The following HPS4 variants were observed in gnomAD, a reference collection of about 807,000 sequenced individuals.
HPS4 encodes BLOC-3 complex member HPS4.
Under a neutral mutation model 70.3 loss-of-function variants are expected in HPS4, and 44 were observed. The observed-to-expected ratio is 0.63, with a 90% CI of 0.49 to 0.80. HPS4 has a LOEUF of 0.80. HPS4 is among the 30% of genes least tolerant of loss of function. HPS4 has a pLI of 0.00. For missense variants in HPS4, 873 were observed against 884.4 expected (o/e 0.99, Z 0.16); for synonymous variants, 377 against 355.9 (o/e 1.06, Z -0.67).
rs1389922563 is a variant in HPS4 at position 26,465,151 on chromosome 22, A to C, written c.803+304T>G. 4.6e-5 allele frequency among the ~76,000 whole-genome samples: 7 copies of C among 152,340 alleles called. No individual in the cohort carries two copies. In the East Asian group the frequency reaches 1.4e-3, roughly 29 times the overall value. ...TATTTTCAAGTGTCACAATGAACTC[A>C]TGAAAGGGATACTATTTTGTCTACT... is the stretch of plus-strand genomic sequence containing the variant. On this transcript the variant is annotated intron_variant, in intron 10 of 13. Transcript: ENST00000398145.
downstream of HPS4, among the ~76,000 whole-genome samples, chr22:26,448,951 G>C (rs938804299): frequency 3.9e-5 from 6 of 152,206 alleles, no homozygotes; most frequent in African/African-American, 7.2e-5. Context: ...CAGGAGACAA[G>C]TGCTTTCCCA....
intron 4 of HPS4, chr22:26,475,686 TAGAG>T (rs56993477): frequency 0.81 from 123,450 of 151,570 alleles, 51,015 homozygotes; most frequent in South Asian, 0.89. Flanking sequence ...ATATGCATGA[TAGAG>T]AGAGTATCTG....
chr22:26,470,015 C>A (rs2089515464), intron 7 of HPS4, among the ~76,000 whole-genome samples: 1 of 152,274 alleles, frequency 6.6e-6, no homozygotes, highest in African/African-American at 2.4e-5. Context: ...CCGAGCCTGT[C>A]TGGCCCAAGG....
chr22:26,481,613 TTGTTA>T (rs1331898767), intron 2 of HPS4, 104 bp downstream of exon 2: 10 of 1,035,382 alleles, frequency 9.7e-6, no homozygotes, highest in African/African-American at 1.6e-5. Context: ...GGCATTTTTA[TTGTTA>T]TGTTAATAAA....
chr22:26,463,756 G>A (rs1024626523), intron 11 of HPS4, among the ~76,000 whole-genome samples, 161 bp downstream of exon 11: 12 of 152,254 alleles, frequency 7.9e-5, no homozygotes, highest in African/African-American at 2.4e-4. Context: ...CACAGAGGCA[G>A]GTAATACCTC....
chr22:26,483,328 G>T (rs920675667), intron 1 of HPS4, among the ~76,000 whole-genome samples: 2 of 152,206 alleles, frequency 1.3e-5, no homozygotes, highest in African/African-American at 4.8e-5. Context: ...CCTGGAGTAG[G>T]AAGAGACGTC....
chr22:26,468,695 C>A, intron 7 of HPS4, 72 bp from the exon 8 acceptor site: 1 of 1,349,664 alleles, frequency 7.4e-7, no homozygotes, highest in Non-Finnish European at 1.1e-6. Flanking sequence ...TTTAAAGATG[C>A]CTAACAGCCC....
At chr22:26,455,696 C>T (rs1387100418) in intron 13 of HPS4, among the ~76,000 whole-genome samples, 2 of 151,062 alleles carry the variant, frequency 1.3e-5, no homozygotes, top group African/African-American at 4.9e-5. Context: ...ACACACCTCA[C>T]GTTGTGCACA....
intron 8 of HPS4, 107 bp downstream of exon 8, chr22:26,468,444 G>A (rs1211303559): frequency 2.1e-6 from 2 of 973,172 alleles, no homozygotes; most frequent in Middle Eastern, 2.6e-4. Context: ...ACAAGACCAA[G>A]TGAAACAACT....
chr22:26,481,863 A>G lies in HPS4; in HGVS notation c.-101T>C. 2.6e-6 allele frequency: 3 copies of G among 1,150,564 alleles called. No individual in the cohort carries two copies. Among genetic ancestry groups the G allele is most frequent in the Non-Finnish European group, 3.9e-6 (3 of 759,882 alleles). The allele number at this position is 1,150,564 out of a possible 1,614,324, so 71.3% of individuals were successfully genotyped here. A position where few individuals can be genotyped will look rare whatever the true frequency, so the allele number is the denominator to read the frequency against. ...CGTTCCTCTATCCCCCAATCCAGTG[A>G]ATCTGGACGTGGTAGGTTTCAGTGT... is the stretch of plus-strand genomic sequence containing the variant. On this transcript the variant is annotated 5_prime_UTR_variant, in exon 2 of 14. Transcript: ENST00000398145.
At chr22:26,467,473 A>T (rs2088877377) in intron 8 of HPS4, 1 of 152,192 alleles carries the variant, frequency 6.6e-6, no homozygotes, top group Non-Finnish European at 1.5e-5. Flanking sequence ...TTGAGTATAA[A>T]TTTTTTTCAG....
At chr22:26,483,392 G>C (rs892172614) in intron 1 of HPS4, among the ~76,000 whole-genome samples, 1 of 152,240 alleles carries the variant, frequency 6.6e-6, no homozygotes, top group African/African-American at 2.4e-5. Context: ...TAACAACGCG[G>C]GGCTGGGGCT....
rs1024197400 is a variant in HPS4, at chr22:26,452,162, T to C, written c.*1071A>G. 3 of 336,912 alleles carry C rather than the reference T, an allele frequency of 8.9e-6. No homozygotes were observed. Among genetic ancestry groups the C allele is most frequent in the African/African-American group, 6.5e-5 (3 of 46,374 alleles). 20.9% of individuals were successfully genotyped at this position (336,912 alleles called of 1,614,324 possible). On this transcript the variant is annotated 3_prime_UTR_variant, in exon 14 of 14. Coordinates refer to ENST00000398145, the MANE Select transcript of HPS4 (RefSeq NM_022081.6). ...AGCTTGTTTCAAGAAAAAGACACCA[T>C]ATCATAAACATCAGATATCAGTTCA... is the stretch of plus-strand genomic sequence containing the variant.
Position 26,477,139 on chromosome 22 carries a change from G to A in HPS4, c.133-3C>T, listed in dbSNP as rs1209886505. ...AACTCCTGTTGGTCTAGCAGGGTCT[G>A]TGGGAAAGGAGCACATTCCAGATAG... On this transcript the variant is annotated splice_region_variant and splice_polypyrimidine_tract_variant and intron_variant, in intron 3 of 13. Transcript: ENST00000398145. The A allele has an allele frequency of 6.2e-7, 1 of 1,614,160 alleles. No homozygotes were observed. Among genetic ancestry groups the A allele is most frequent in the East Asian group, 2.2e-5 (1 of 44,890 alleles).
In HPS4 at chr22:26,478,247, GAGA is replaced by G. The variant is rs762347233; in HGVS notation, c.132+1015_132+1017del. On this transcript the variant is annotated intron_variant, in intron 3 of 13. Coordinates refer to ENST00000398145, the MANE Select transcript of HPS4 (RefSeq NM_022081.6). The stretch of plus-strand genomic sequence containing the variant: ...TTTGCTCCAGGAAAAAAAAAAGAGA[GAGA>G]AGAAGAGGTTCAGATAGGTCACATA... Among the ~76,000 whole-genome samples the G allele has an allele frequency of 6.2e-4, 95 of 152,148 alleles. 1 individual carries two copies. Among genetic ancestry groups the G allele is most frequent in the Non-Finnish European group, 1.1e-3 (74 of 67,982 alleles).
intron 2 of HPS4, among the ~76,000 whole-genome samples, chr22:26,480,862 G>A (rs924735083): frequency 6.6e-6 from 1 of 152,120 alleles, no homozygotes; most frequent in African/African-American, 2.4e-5. Flanking sequence ...AGGCTACAGT[G>A]ACCTGAGATC....
In HPS4 at chr22:26,472,856, A is replaced by G. The variant is rs1194215001; in HGVS notation, c.360T>C (p.Asn120=). The G allele has an allele frequency of 6.2e-7, 1 of 1,614,150 alleles. No homozygotes were observed. Among genetic ancestry groups the G allele is most frequent in the East Asian group, 2.2e-5 (1 of 44,892 alleles). Residue 120 remains asparagine, a synonymous_variant, in exon 5 of 14, where the codon AAT becomes AAC. Transcript: ENST00000398145. The stretch of plus-strand genomic sequence containing the variant: ...CCTCATAAGCTAGGGAAACAGGTCC[A>G]TTGTAAAAATTAAAGAATCCAACTA... ...DQLVGFFNFY[N]GPVSLAYENC... is the part of the protein sequence containing the mutation.
rs547327829 is a variant in HPS4, at chr22:26,459,670, C to T, written c.1714-1093G>A. ...AGGTAAAAAACATCCCAAGTTCAGC[C>T]TCTTTTTAGTCAAATGACCAGGAGC... On this transcript the variant is annotated intron_variant, in intron 11 of 13. Coordinates refer to ENST00000398145, the MANE Select transcript of HPS4 (RefSeq NM_022081.6). 1.5e-4 allele frequency among the ~76,000 whole-genome samples: 23 copies of T among 152,274 alleles called. 1 individual carries two copies. Among genetic ancestry groups the T allele is most frequent in the Admixed American group, 1.4e-3 (21 of 15,294 alleles).
chr22:26,461,682 G>A (rs1483390859), intron 11 of HPS4, among the ~76,000 whole-genome samples: 1 of 152,152 alleles, frequency 6.6e-6, no homozygotes, highest in African/African-American at 2.4e-5. Flanking sequence ...GGGCTGCAGG[G>A]AAATCAGATA....
Sources: gnomAD v4.1 joint callset for allele counts (sites outside exome capture counted in the v4.1 genomes callset) on GRCh38, gnomAD v4.1.1 for gene constraint, MANE v1.5 for transcripts, NCBI Gene and HGNC (gene_info 2026-07-23, HGNC 2026-07-21) for gene names.